NPHP4: variants seen among roughly 807,000 people sequenced by gnomAD.
The protein encoded by NPHP4 is nephrocystin 4.
Under a neutral mutation model 155.8 loss-of-function variants are expected in NPHP4, and 151 were observed. That is an observed-to-expected ratio of 0.97 (90% CI 0.85 to 1.11). The LOEUF is 1.11. NPHP4 is among the 50% of genes least tolerant of loss of function. The pLI is 0.00. For missense variants in NPHP4, 1,956 were observed against 1,925.7 expected (o/e 1.02, Z -0.29); for synonymous variants, 845 against 816.8 (o/e 1.03, Z -0.59).
At position 5,944,906 on chromosome 1, in the gene NPHP4, G is replaced by A. The variant is rs1437034134; in HGVS notation, c.1119+2198C>T. 1.3e-5 allele frequency among the ~76,000 whole-genome samples: 2 copies of A among 152,130 alleles called. No homozygotes were observed. Among genetic ancestry groups the A allele is most frequent in the South Asian group, 4.1e-4 (2 of 4,824 alleles). On this transcript the variant is annotated intron_variant, in intron 9 of 29. Transcript: ENST00000378156. This position sits in a 1 kb window ranked among gnomAD's most constrained non-coding sequence, Gnocchi z 4.3. ...AGTCACTTGAACCCAGGAGGCGGAG[G>A]TTGCAGTGAGCCGAGATCGCGCCAC...
chr1:5,952,775 G>C lies in NPHP4; in HGVS notation c.735C>G (p.Phe245Leu). The C allele has an allele frequency of 6.3e-7, 1 of 1,587,002 alleles. No individual in the cohort carries two copies. The highest frequency in any genetic ancestry group is 8.6e-7 in the Non-Finnish European group (1 of 1,166,400). ...TCTCCAGGGAGGGGTACAGGGTGAA[G>C]AATAAGTCATCCAAGTGCCCCGTGA... ...KPITGHLDDL[F>L]FTLYPSLEKF... The change falls in exon 7 of 30, where the codon TTC (phenylalanine) becomes TTG (leucine). Residue 245 changes from phenylalanine (F) to leucine (L), a missense_variant. Coordinates refer to ENST00000378156, the MANE Select transcript of NPHP4 (RefSeq NM_015102.5).
At chr1:5,956,666 GT>G (rs1649299677) in intron 6 of NPHP4, among the ~76,000 whole-genome samples, 2 of 152,150 alleles carry the variant, frequency 1.3e-5, no homozygotes, top group African/African-American at 4.8e-5. Flanking sequence ...GGTGCTGAGT[GT>G]TGCCTTCGCA....
chr1:5,895,459 C>A (rs12145803), intron 16 of NPHP4, among the ~76,000 whole-genome samples: 17,877 of 152,140 alleles, frequency 0.12, 1,351 homozygotes, highest in Non-Finnish European at 0.16. Flanking sequence ...AAGATCGCGC[C>A]ACTGCACTCC....
At chr1:5,981,646 T>G (rs980231805) in intron 2 of NPHP4, among the ~76,000 whole-genome samples, 7 of 152,342 alleles carry the variant, frequency 4.6e-5, no homozygotes, top group Non-Finnish European at 1.0e-4. Context: ...TTATACAAAC[T>G]TATAAGACTA....
At chr1:5,937,637 G>C (rs558540084) in intron 9 of NPHP4, among the ~76,000 whole-genome samples, 1 of 152,130 alleles carries the variant, frequency 6.6e-6, no homozygotes, top group Non-Finnish European at 1.5e-5. Flanking sequence ...TGGGGTCCCC[G>C]CCAAGCAGCG....
intron 6 of NPHP4, among the ~76,000 whole-genome samples, chr1:5,957,068 C>G (rs1467498010): frequency 2.0e-5 from 3 of 152,224 alleles, no homozygotes; most frequent in Non-Finnish European, 4.4e-5. Context: ...CCACGGCAGA[C>G]ATGAACCCCA....
At chr1:5,943,092 T>C (rs923710403) in intron 9 of NPHP4, among the ~76,000 whole-genome samples, 1 of 152,240 alleles carries the variant, frequency 6.6e-6, no homozygotes, top group African/African-American at 2.4e-5. Context: ...GAGGTTGCAC[T>C]GTCCCCAGGA....
At chr1:5,979,270 G>A (rs1265980158) in intron 2 of NPHP4, among the ~76,000 whole-genome samples, 1 of 149,132 alleles carries the variant, frequency 6.7e-6, no homozygotes, top group African/African-American at 2.5e-5. Context: ...AAACAACAAG[G>A]AACAGACAAA....
In NPHP4 at chr1:5,894,449, C is replaced by CA. The variant is rs34608472; in HGVS notation, c.2144-3422dup. Among the ~76,000 whole-genome samples the CA allele has an allele frequency of 6.2e-3, 638 of 102,992 alleles. 1 individual carries two copies. The highest frequency in any genetic ancestry group is 0.028 in the Middle Eastern group (5 of 178). The allele number at this position is 102,992 out of a possible 152,430, so 67.6% of individuals were successfully genotyped here. A position where few individuals can be genotyped will look rare whatever the true frequency, so the allele number is the denominator to read the frequency against. ...TGGGCTACAGAGCAAGACCCAGTCT[C>CA]AAAAAAAAAAAAAAAGGTAAAATTT... On this transcript the variant is annotated intron_variant, in intron 16 of 29. Transcript: ENST00000378156.
intron 11 of NPHP4, among the ~76,000 whole-genome samples, chr1:5,922,015 T>TG (rs986233568): frequency 2.6e-5 from 4 of 152,188 alleles, no homozygotes; most frequent in African/African-American, 7.2e-5. Flanking sequence ...GACCCTGAGA[T>TG]GGGGGGATGA....
At chr1:5,954,276 C>CA (rs144013407) in intron 6 of NPHP4, among the ~76,000 whole-genome samples, 13 of 151,430 alleles carry the variant, frequency 8.6e-5, no homozygotes, top group African/African-American at 2.2e-4. Flanking sequence ...TGAATAAGAA[C>CA]AAAAAAAATC....
At chr1:5,900,681 G>C (rs766143291) in intron 16 of NPHP4, among the ~76,000 whole-genome samples, 17 of 152,144 alleles carry the variant, frequency 1.1e-4, no homozygotes, top group Non-Finnish European at 2.2e-4. Flanking sequence ...ATGAACTTTA[G>C]TGTAAACTAT....
intron 23 of NPHP4, among the ~76,000 whole-genome samples, chr1:5,868,727 G>A (rs1287632): frequency 0.18 from 24,743 of 134,630 alleles, 2,221 homozygotes; most frequent in Middle Eastern, 0.31. Flanking sequence ...ACACATGCAC[G>A]CCCACATGCA....
In NPHP4 at chr1:5,876,780, C is replaced by A. The variant is rs370910720; in HGVS notation, c.2817+313G>T. ...TGTCAGTTGTTCACAGCTCTGGTCC[C>A]CAGACCTGGGAGAGCCTCAGAATCA... is the stretch of plus-strand genomic sequence containing the variant. On this transcript the variant is annotated intron_variant, in intron 20 of 29. Coordinates refer to ENST00000378156, the MANE Select transcript of NPHP4 (RefSeq NM_015102.5). The A allele has an allele frequency of 5.2e-4, 159 of 307,728 alleles. 1 individual carries two copies. Among genetic ancestry groups the A allele is most frequent in the African/African-American group, 3.1e-3 (146 of 46,858 alleles). 19.1% of individuals were successfully genotyped at this position (307,728 alleles called of 1,614,324 possible). A position where few individuals can be genotyped will look rare whatever the true frequency, so the allele number is the denominator to read the frequency against.
At chr1:5,930,540 T>C (rs1646222979) in intron 10 of NPHP4, among the ~76,000 whole-genome samples, 3 of 152,372 alleles carry the variant, frequency 2.0e-5, no homozygotes, top group South Asian at 4.1e-4. Flanking sequence ...CTTTACTTTA[T>C]GGATTTTTAC....
intron 10 of NPHP4, among the ~76,000 whole-genome samples, chr1:5,929,393 GCAAT>G (rs1230512588): frequency 2.0e-5 from 3 of 152,172 alleles, no homozygotes; most frequent in African/African-American, 2.4e-5. Context: ...TAGGGGGAAA[GCAAT>G]CAGTCTTTCA....
At chr1:5,871,154 G>A (rs759396342) in intron 23 of NPHP4, among the ~76,000 whole-genome samples, 14 of 152,224 alleles carry the variant, frequency 9.2e-5, no homozygotes, top group Non-Finnish European at 2.1e-4. Context: ...CATGGCAAAG[G>A]TTAGTGACCG....
chr1:5,913,869 G>A (rs368923625), intron 11 of NPHP4, among the ~76,000 whole-genome samples: 7 of 152,194 alleles, frequency 4.6e-5, no homozygotes, highest in Non-Finnish European at 7.4e-5. Context: ...TATACATAAC[G>A]CAGAGAACAG....
chr1:5,865,609 C>T, intron 26 of NPHP4: 1 of 244,210 alleles, frequency 4.1e-6, no homozygotes, highest in Non-Finnish European at 7.9e-6. Context: ...GGACAAGTGT[C>T]CACCCCCAAT....
Sources: gnomAD v4.1 joint callset for allele counts (sites outside exome capture counted in the v4.1 genomes callset) on GRCh38, gnomAD v4.1.1 for gene constraint, Gnocchi (gnomAD v3.1) non-coding constraint, MANE v1.5 for transcripts, NCBI Gene and HGNC (gene_info 2026-07-23, HGNC 2026-07-21) for gene names.